The following LDLRAD4 variants were observed in gnomAD, a reference collection of about 807,000 sequenced individuals.
The protein encoded by LDLRAD4 is low-density lipoprotein receptor class A domain-containing protein 4.
A neutral mutation model predicts 17.0 loss-of-function variants in LDLRAD4; 5 were observed. The observed-to-expected ratio is 0.29, with a 90% confidence interval of 0.15 to 0.62. The LOEUF is 0.62. Among genes scored for constraint, LDLRAD4 ranks in the 20% least tolerant of loss-of-function variants. LDLRAD4 has a pLI of 0.84. For missense variants in LDLRAD4, 340 were observed against 424.7 expected, an observed-to-expected ratio of 0.80 and a Z score of 1.75; for synonymous variants, 168 against 171.8, an observed-to-expected ratio of 0.98 and a Z score of 0.17.
chr18:13,576,104 T>C (rs1234307963), intron 3 of LDLRAD4, among the ~76,000 whole-genome samples: 1 of 152,138 alleles, frequency 6.6e-6, no homozygotes, highest in Non-Finnish European at 1.5e-5. Context: ...ATATTTTGTC[T>C]CATAAAAGTT....
intron 3 of LDLRAD4, among the ~76,000 whole-genome samples, chr18:13,582,976 A>C (rs1021865457): frequency 6.6e-6 from 1 of 152,086 alleles, no homozygotes. Context: ...TCAGCTTCCC[A>C]GTGTGCTGGG....
chr18:13,500,315 C>T (rs371730176), intron 3 of LDLRAD4, among the ~76,000 whole-genome samples: 4 of 152,232 alleles, frequency 2.6e-5, no homozygotes, highest in African/African-American at 9.6e-5. Context: ...TCCTCTGGAG[C>T]GCCTCCTCTG....
At chr18:13,592,525 T>A (rs1353606294) in intron 3 of LDLRAD4, among the ~76,000 whole-genome samples, 3 of 152,238 alleles carry the variant, frequency 2.0e-5, no homozygotes, top group Non-Finnish European at 4.4e-5. Flanking sequence ...TGTAGCCACA[T>A]GAAAAGATCT....
chr18:13,562,222 G>C (rs1401786416), intron 3 of LDLRAD4, among the ~76,000 whole-genome samples: 1 of 152,216 alleles, frequency 6.6e-6, no homozygotes. Flanking sequence ...GTGGCTTGCT[G>C]TGAGGGTAAA....
At chr18:13,432,284 A>G (rs946651716) in intron 2 of LDLRAD4, among the ~76,000 whole-genome samples, 1 of 152,262 alleles carries the variant, frequency 6.6e-6, no homozygotes, top group Non-Finnish European at 1.5e-5. Flanking sequence ...TAATTAGCTA[A>G]AGCACTACTT....
intron 1 of LDLRAD4, among the ~76,000 whole-genome samples, chr18:13,321,401 T>C (rs553573646): frequency 1.3e-5 from 2 of 152,390 alleles, no homozygotes; most frequent in South Asian, 4.1e-4. Context: ...TTTGTGGCTA[T>C]TTAATTCTCT....
chr18:13,277,323 G>A (rs1433462392), upstream of LDLRAD4, among the ~76,000 whole-genome samples: 2 of 152,174 alleles, frequency 1.3e-5, no homozygotes, highest in Non-Finnish European at 2.9e-5. Context: ...GCTGAGAGGC[G>A]CTTGTGGTGT....
chr18:13,379,345 G>A (rs920733010), intron 1 of LDLRAD4, among the ~76,000 whole-genome samples: 1 of 152,258 alleles, frequency 6.6e-6, no homozygotes, highest in Non-Finnish European at 1.5e-5. Flanking sequence ...CCAGATGCAG[G>A]ACAGAGGCCA....
chr18:13,331,163 A>AGAAGGACAGGTCACAAGTT (rs1193599548), intron 1 of LDLRAD4, among the ~76,000 whole-genome samples: 2 of 152,260 alleles, frequency 1.3e-5, no homozygotes, highest in Non-Finnish European at 2.9e-5. Flanking sequence ...CTTGTCAGCC[A>AGAAGGACAGGTCACAAGTT]GAAGGACAGG....
intron 4 of LDLRAD4, among the ~76,000 whole-genome samples, chr18:13,630,100 G>C (rs1010284831): frequency 1.3e-5 from 2 of 151,102 alleles, no homozygotes; most frequent in Admixed American, 6.5e-5. Context: ...CAAGCTGGGA[G>C]AGGCACCTCA....
At chr18:13,429,547 C>T (rs541064294) in intron 2 of LDLRAD4, among the ~76,000 whole-genome samples, 18 of 152,324 alleles carry the variant, frequency 1.2e-4, no homozygotes, top group Non-Finnish European at 2.2e-4. Context: ...TCAGAGCAGG[C>T]GACGGAAGTA....
chr18:13,259,926 G>T (rs35886745), intron 1 of LDLRAD4, among the ~76,000 whole-genome samples: 7,164 of 152,348 alleles, frequency 0.047, 200 homozygotes, highest in African/African-American at 0.077. Context: ...GTGTGGTTTG[G>T]AGAAGCCGCT....
intron 1 of LDLRAD4, among the ~76,000 whole-genome samples, chr18:13,249,350 C>T (rs1044948166): frequency 1.8e-4 from 28 of 152,300 alleles, no homozygotes; most frequent in African/African-American, 5.3e-4. Context: ...ACTGTACCAG[C>T]TTACATTCCC....
At chr18:13,379,866 A>G (rs1454507219) in intron 1 of LDLRAD4, among the ~76,000 whole-genome samples, 1 of 151,930 alleles carries the variant, frequency 6.6e-6, no homozygotes, top group Middle Eastern at 3.2e-3. Flanking sequence ...CTATGGTCTG[A>G]CCCCCTTCTT....
chr18:13,487,430 G>T (rs966706794), intron 3 of LDLRAD4: 4 of 152,254 alleles, frequency 2.6e-5, no homozygotes, highest in South Asian at 2.1e-4. Context: ...AAGAACAAAG[G>T]CTTCTCTGCC....
intron 1 of LDLRAD4, among the ~76,000 whole-genome samples, chr18:13,222,296 T>C (rs2041501628): frequency 6.6e-6 from 1 of 152,140 alleles, no homozygotes; most frequent in Non-Finnish European, 1.5e-5. Flanking sequence ...GTTCTTTTGT[T>C]GTTGGTTTTT....
chr18:13,633,885 C>T (rs552524334), intron 4 of LDLRAD4, among the ~76,000 whole-genome samples: 50 of 152,188 alleles, frequency 3.3e-4, no homozygotes, highest in Non-Finnish European at 6.0e-4. Context: ...CCCACCTGTT[C>T]CTGGCTCTCA....
At chr18:13,557,304 A>AAAT (rs10696082) in intron 3 of LDLRAD4, among the ~76,000 whole-genome samples, 141,821 of 152,108 alleles carry the variant, frequency 0.93, 66,912 homozygotes, top group Non-Finnish European at 1. Flanking sequence ...TCTCAAAAGA[A>AAAT]AATAAGCAAA....
chr18:13,225,470 G>A (rs140341169), intron 1 of LDLRAD4, among the ~76,000 whole-genome samples: 1 of 152,214 alleles, frequency 6.6e-6, no homozygotes, highest in South Asian at 2.1e-4. Context: ...AGCCCGGCAT[G>A]GGGCTGATTA....
Sources: allele counts gnomAD v4.1 joint callset (sites outside exome capture counted in the v4.1 genomes callset), GRCh38; gene constraint gnomAD v4.1.1; transcripts MANE v1.5; gene names NCBI Gene and HGNC (gene_info 2026-07-23, HGNC 2026-07-21).